The following MYRFL variants were observed in gnomAD, a reference collection of about 807,000 sequenced individuals.
MYRFL encodes the protein myelin regulatory factor-like protein.
A neutral mutation model predicts 109.4 loss-of-function variants in MYRFL; 88 were observed. The ratio of observed to expected loss-of-function variants is 0.80; its 90% CI spans 0.68 to 0.96. MYRFL has a LOEUF of 0.96. Among genes scored for constraint, MYRFL ranks in the 40% least tolerant of loss-of-function variants. The probability of loss-of-function intolerance (pLI) is 0.00; values close to 1 mark genes in which losing one functional copy is unlikely to be tolerated. For synonymous variants in MYRFL, 324 were observed against 320.9 expected (o/e 1.01, Z -0.10); for missense variants, 957 against 954.9 (o/e 1.00, Z -0.03).
At chr12:69,840,698 G>A (rs77225359) in intron 1 of MYRFL, among the ~76,000 whole-genome samples, 236 of 152,232 alleles carry the variant, frequency 1.6e-3, no homozygotes, top group African/African-American at 4.8e-3. Context: ...TGCCGGTCAG[G>A]CAGCTGAACA....
intron 13 of MYRFL, among the ~76,000 whole-genome samples, chr12:69,921,822 C>A (rs974896745): frequency 5.3e-5 from 8 of 152,116 alleles, no homozygotes; most frequent in African/African-American, 1.9e-4. Flanking sequence ...TGACAAGTAA[C>A]CAGGCAATTG....
chr12:69,955,355 A>G lies in MYRFL; in HGVS notation c.2376-8A>G, dbSNP rs769468704. 6 of 628,630 alleles carry G rather than the reference A, an allele frequency of 9.5e-6. No homozygotes were observed. The South Asian group carries it at 1.1e-4, about 12-fold the overall frequency. The allele number at this position is 628,630 out of a possible 1,614,324, so 38.9% of individuals were successfully genotyped here. A position where few individuals can be genotyped will look rare whatever the true frequency, so the allele number is the denominator to read the frequency against. ...TGATTTGTGGTTTTATTTTCTTTCC[A>G]TAATTAGATCTGGAAATTATAATTA... On this transcript the variant is annotated splice_polypyrimidine_tract_variant and splice_region_variant and intron_variant, in intron 21 of 24. Coordinates refer to ENST00000552032, the MANE Select transcript of MYRFL (RefSeq NM_182530.3).
In MYRFL at chr12:69,941,712, C is replaced by CA. The variant is rs1333741031; in HGVS notation, c.2224+5086dup. The stretch of plus-strand genomic sequence containing the variant: ...AGCAGAACTGAAGGAAATAGAGACA[C>CA]AAAAAACCCTTCAAAAAATTAATGA... On this transcript the variant is annotated intron_variant, in intron 19 of 24. Coordinates refer to ENST00000552032, the MANE Select transcript of MYRFL (RefSeq NM_182530.3). Among the ~76,000 whole-genome samples, 452 of 145,324 alleles carry CA rather than the reference C, an allele frequency of 3.1e-3. 3 individuals carry two copies. The highest frequency in any genetic ancestry group is 0.011 in the African/African-American group (420 of 38,388).
Position 69,957,872 on chromosome 12 carries a change from T to C in MYRFL, c.2501T>C (p.Ile834Thr), listed in dbSNP as rs138964588. The change falls in exon 23 of 25, where the codon ATA becomes ACA. Residue 834 changes from isoleucine (I) to threonine (T), a missense_variant. Ile to Thr is a moderately conservative substitution (Grantham distance 89). Coordinates refer to ENST00000552032, the MANE Select transcript of MYRFL (RefSeq NM_182530.3). Reference sequence around the variant, plus strand: ...CAGTGCAAATTCACCCTTGGAAATATATGTTTCCATAGTAAAAGGGGAACC... The same window carrying C: ...CAGTGCAAATTCACCCTTGGAAATACATGTTTCCATAGTAAAAGGGGAACC... ...VFQCKFTLGN[I>T]CFHSKRGTKG... is the part of the protein sequence containing the mutation. 2.5e-4 allele frequency: 377 copies of C among 1,535,172 alleles called. No individual in the cohort carries two copies. In the East Asian group the frequency reaches 8.3e-3, roughly 34 times the overall value.
intron 11 of MYRFL, among the ~76,000 whole-genome samples, chr12:69,908,658 A>G (rs11177957): frequency 0.03 from 4,525 of 152,306 alleles, 95 homozygotes; most frequent in Middle Eastern, 0.075. Flanking sequence ...CCATCATTGT[A>G]CTATGTTTCT....
chr12:69,947,783 G>C (rs17813869), intron 19 of MYRFL, among the ~76,000 whole-genome samples: 1 of 152,134 alleles, frequency 6.6e-6, no homozygotes, highest in African/African-American at 2.4e-5. Context: ...GACTGGTGGG[G>C]CTCATTGGCT....
chr12:69,954,904 A>T (rs1956060224), intron 21 of MYRFL, among the ~76,000 whole-genome samples: 1 of 152,220 alleles, frequency 6.6e-6, no homozygotes, highest in African/African-American at 2.4e-5. Context: ...TTCAGATTCT[A>T]AAAGTACCTG....
intron 13 of MYRFL, among the ~76,000 whole-genome samples, chr12:69,926,220 G>A (rs1218889581): frequency 6.7e-6 from 1 of 149,650 alleles, no homozygotes; most frequent in South Asian, 2.1e-4. Context: ...CGCCTCCTGG[G>A]GTTCAAGTGA....
intron 2 of MYRFL, among the ~76,000 whole-genome samples, chr12:69,856,998 G>C (rs2136323034): frequency 1.3e-5 from 2 of 151,660 alleles, no homozygotes; most frequent in Admixed American, 1.3e-4. Flanking sequence ...TCTTTTAAAA[G>C]TTTTATAGTT....
chr12:69,836,178 G>A (rs1464122918), intron 1 of MYRFL, among the ~76,000 whole-genome samples: 1 of 152,200 alleles, frequency 6.6e-6, no homozygotes, highest in Admixed American at 6.5e-5. Flanking sequence ...GCCGGTCAGG[G>A]GCTAGCCGGC....
In MYRFL at chr12:69,879,223, A is replaced by G. The variant is rs1264083350; in HGVS notation, c.234A>G (p.Thr78=). The part of the protein sequence containing the change: ...KGACYPTLRP[T]AGRTPAPFLH... ...CATGCTACCCAACCCTGAGGCCCAC[A>G]GCTGGGAGGACTCCAGCTCCTTTTC... is the stretch of plus-strand genomic sequence containing the variant. The change falls in exon 4 of 25, where the codon ACA becomes ACG. Residue 78 remains threonine, a synonymous_variant. Coordinates refer to ENST00000552032, the MANE Select transcript of MYRFL (RefSeq NM_182530.3). 3 of 702,692 alleles carry G rather than the reference A, an allele frequency of 4.3e-6. No homozygotes were observed. Among genetic ancestry groups the G allele is most frequent in the Admixed American group, 2.0e-5 (1 of 49,986 alleles). 43.5% of individuals were successfully genotyped at this position (702,692 alleles called of 1,614,324 possible).
At position 69,897,528 on chromosome 12, in the gene MYRFL, C is replaced by G. The variant is rs117269895; in HGVS notation, c.1182+282C>G. 9.8e-3 allele frequency among the ~76,000 whole-genome samples: 1,497 copies of G among 152,262 alleles called. 13 individuals carry two copies. Among genetic ancestry groups the G allele is most frequent in the Non-Finnish European group, 0.016 (1,103 of 68,030 alleles). On this transcript the variant is annotated intron_variant, in intron 10 of 24. Coordinates refer to ENST00000552032, the MANE Select transcript of MYRFL (RefSeq NM_182530.3). ...AGTACCTTACAATGCACAGGACAAC[C>G]TCCACAACAAAACATTATACCTCCC...
chr12:69,826,681 A>G (rs561933398), intron 1 of MYRFL, among the ~76,000 whole-genome samples: 1 of 152,194 alleles, frequency 6.6e-6, no homozygotes, highest in Middle Eastern at 3.4e-3. Context: ...TGTTACAATT[A>G]TCTGATCATT....
rs1387691647 is a variant in MYRFL, at chr12:69,890,976, A to G, written c.713A>G (p.Asp238Gly). 4.6e-6 allele frequency: 7 copies of G among 1,509,078 alleles called. No individual in the cohort carries two copies. In the East Asian group the frequency reaches 1.7e-4, roughly 37 times the overall value. 93.5% of individuals were successfully genotyped at this position (1,509,078 alleles called of 1,614,324 possible). Residue 238 changes from aspartate (D) to glycine (G), a missense_variant, in exon 7 of 25, where the codon GAT becomes GGT. Asp to Gly is a moderately conservative substitution (Grantham distance 94). Coordinates refer to ENST00000552032, the MANE Select transcript of MYRFL (RefSeq NM_182530.3). ...LLNSHYEKLP[D>G]VGYRVVTDKG... ...CTTGGTTTCTCTTTTCATAGACCTG[A>G]TGTGGGCTATCGAGTTGTAACAGAC...
rs11177885 is a variant in MYRFL at position 69,830,497 on chromosome 12, A to C, written c.46+4934A>C. Among the ~76,000 whole-genome samples, 72 of 151,204 alleles carry C rather than the reference A, an allele frequency of 4.8e-4. No homozygotes were observed. The East Asian group carries it at 0.013, about 26-fold the overall frequency. On this transcript the variant is annotated intron_variant, in intron 1 of 24. Coordinates refer to ENST00000552032, the MANE Select transcript of MYRFL (RefSeq NM_182530.3). ...TATAGAGATATCTATATATATATAT[A>C]TCTCTGTGGGATAATTTCAGAGATG... is the stretch of plus-strand genomic sequence containing the variant.
In MYRFL at chr12:69,886,684, C is replaced by T. The variant is rs891815887; in HGVS notation, c.557-136C>T. The T allele has an allele frequency of 9.3e-6, 10 of 1,070,690 alleles. No individual in the cohort carries two copies. The African/African-American group carries it at 1.6e-4, about 17-fold the overall frequency. The allele number at this position is 1,070,690 out of a possible 1,614,324, so 66.3% of individuals were successfully genotyped here. On this transcript the variant is annotated intron_variant, in intron 5 of 24. Transcript: ENST00000552032. Reference sequence around the variant, plus strand: ...TGAGAAAATGAGGTCAGCAACACACCTCCTACCCCCAGCACATGACACTTC... The same window carrying T: ...TGAGAAAATGAGGTCAGCAACACACTTCCTACCCCCAGCACATGACACTTC...
At chr12:69,945,530 T>G (rs1455933274) in intron 19 of MYRFL, among the ~76,000 whole-genome samples, 1 of 152,182 alleles carries the variant, frequency 6.6e-6, no homozygotes, top group East Asian at 1.9e-4. Context: ...CAATCTAGGT[T>G]TGTGAAGTAC....
intron 19 of MYRFL, among the ~76,000 whole-genome samples, chr12:69,938,865 G>T (rs1303245769): frequency 6.6e-6 from 1 of 152,126 alleles, no homozygotes; most frequent in African/African-American, 2.4e-5. Flanking sequence ...GCAGGGCGAG[G>T]CATTGCCTCA....
In MYRFL at chr12:69,910,726, C is replaced by T. The variant is rs373272253; in HGVS notation, c.1493-95C>T. ...TTGGCTCAAAATTCCTTCTTTGCTG[C>T]AAATGTATTGTAGATCAAAGCAAAA... On this transcript the variant is annotated intron_variant, in intron 12 of 24. Coordinates refer to ENST00000552032, the MANE Select transcript of MYRFL (RefSeq NM_182530.3). The T allele has an allele frequency of 1.8e-4, 142 of 777,600 alleles. No homozygotes were observed. In the African/African-American group the frequency reaches 2.3e-3, roughly 13 times the overall value. The allele number at this position is 777,600 out of a possible 1,614,324, so 48.2% of individuals were successfully genotyped here. A position where few individuals can be genotyped will look rare whatever the true frequency, so the allele number is the denominator to read the frequency against.
Sources: gnomAD v4.1 joint callset for allele counts (sites outside exome capture counted in the v4.1 genomes callset) on GRCh38, gnomAD v4.1.1 for gene constraint, MANE v1.5 for transcripts, NCBI Gene and HGNC (gene_info 2026-07-23, HGNC 2026-07-21) for gene names.